Variants in DNAH6 observed in about 807,000 individuals in gnomAD.
DNAH6 encodes the protein dynein axonemal heavy chain 6.
In DNAH6, 340 loss-of-function variants were observed where a neutral mutation model predicts 491.4. The ratio of observed to expected loss-of-function variants is 0.69; its 90% CI spans 0.63 to 0.76. The LOEUF (loss-of-function observed/expected upper bound fraction) is 0.76, where lower values mean the gene tolerates loss of function less well. Among genes scored for constraint, DNAH6 ranks in the 30% least tolerant of loss-of-function variants. DNAH6 has a pLI of 0.00. For missense variants in DNAH6, 4,443 were observed against 4,972.2 expected (o/e 0.89, Z 3.20); for synonymous variants, 1,603 against 1,686.1 (o/e 0.95, Z 1.21).
chr2:84,657,663 C>G (rs1691105381), intron 35 of DNAH6, among the ~76,000 whole-genome samples: 1 of 151,918 alleles, frequency 6.6e-6, no homozygotes, highest in Non-Finnish European at 1.5e-5. Flanking sequence ...AACCTCATAT[C>G]CTGCAACTTT....
At chr2:84,686,589 G>C in intron 44 of DNAH6, 32 bp downstream of exon 44, 3 of 1,208,420 alleles carry the variant, frequency 2.5e-6, no homozygotes, top group Non-Finnish European at 3.5e-6. Flanking sequence ...GACCTCATTT[G>C]AAAATTGTAA....
intron 32 of DNAH6, among the ~76,000 whole-genome samples, chr2:84,641,189 G>A (rs1315313571): frequency 1.3e-5 from 2 of 152,080 alleles, no homozygotes; most frequent in African/African-American, 2.4e-5. Flanking sequence ...AGCCTCTAAG[G>A]AGACCTATTT....
intron 33 of DNAH6, among the ~76,000 whole-genome samples, chr2:84,645,584 T>C (rs1488346142): frequency 6.6e-6 from 1 of 152,202 alleles, no homozygotes; most frequent in Non-Finnish European, 1.5e-5. Flanking sequence ...TCATGCACTT[T>C]GCCCACTTTT....
At chr2:84,568,322 A>C (rs1681426449) in intron 11 of DNAH6, among the ~76,000 whole-genome samples, 1 of 152,206 alleles carries the variant, frequency 6.6e-6, no homozygotes, top group Admixed American at 6.6e-5. Context: ...AATCAATCCA[A>C]ATGCCCATAG....
intron 63 of DNAH6, among the ~76,000 whole-genome samples, chr2:84,747,184 T>C (rs1345124228): frequency 6.6e-6 from 1 of 152,146 alleles, no homozygotes; most frequent in East Asian, 1.9e-4. Context: ...TTCCCAACAG[T>C]CCTCAAAAGT....
At chr2:84,668,832 G>GTGTA (rs1692429346) in intron 37 of DNAH6, among the ~76,000 whole-genome samples, 1 of 52,920 alleles carries the variant, frequency 1.9e-5, no homozygotes, top group African/African-American at 6.0e-5. Flanking sequence ...GTGTGTGTGT[G>GTGTA]TGTGTGTGTG....
chr2:84,485,606 G>A, the DNAH6 span, among the ~76,000 whole-genome samples: 1 of 152,052 alleles, frequency 6.6e-6, no homozygotes, highest in South Asian at 2.1e-4. Flanking sequence ...TGTACTACGT[G>A]CTGCTGTAAA....
rs747787180 is a variant in DNAH6 at position 84,715,630 on chromosome 2, A to G, written c.9611+3A>G. 7 of 1,550,954 alleles carry G rather than the reference A, an allele frequency of 4.5e-6. No individual in the cohort carries two copies. The highest frequency in any genetic ancestry group is 2.4e-5 in the East Asian group (1 of 40,894). ...GGCCTGGAGGATCAGTTGTTAAGGT[A>G]AAAAAACAGGGAGTTGAGGGGAGGG... On this transcript the variant is annotated splice_donor_region_variant and intron_variant, in intron 58 of 76. Transcript: ENST00000389394.
At chr2:84,477,166 T>G in the DNAH6 span, among the ~76,000 whole-genome samples, 1 of 152,228 alleles carries the variant, frequency 6.6e-6, no homozygotes. Context: ...TGGGAGCCCA[T>G]GCTATTTATT....
chr2:84,659,161 G>C lies in DNAH6; in HGVS notation c.6076G>C (p.Asp2026His). 2 of 1,451,580 alleles carry C rather than the reference G, an allele frequency of 1.4e-6. No homozygotes were observed. Among genetic ancestry groups the C allele is most frequent in the Admixed American group, 2.3e-5 (1 of 43,610 alleles). The allele number at this position is 1,451,580 out of a possible 1,614,324, so 89.9% of individuals were successfully genotyped here. A position where few individuals can be genotyped will look rare whatever the true frequency, so the allele number is the denominator to read the frequency against. Residue 2026 changes from aspartate (D) to histidine (H), a missense_variant, in exon 37 of 77, where the codon GAT (aspartate) becomes CAT (histidine). Asp to His is a moderately conservative substitution (Grantham distance 81, BLOSUM62 -1). Coordinates refer to ENST00000389394, the MANE Select transcript of DNAH6 (RefSeq NM_001370.2). ...TAGAACACAATTTGATGATAATCCT[G>C]ATGCCAGGGTAAGAACCAAATAAAT... Reference protein sequence around the residue: ...FIRTQFDDNPDARLPNSGDLW... With the variant: ...FIRTQFDDNPHARLPNSGDLW...
At chr2:84,491,965 C>T in the DNAH6 span, among the ~76,000 whole-genome samples, 4 of 152,126 alleles carry the variant, frequency 2.6e-5, no homozygotes, top group African/African-American at 7.2e-5. Context: ...CCCGTTGCGC[C>T]GGTCAGATTC....
intron 64 of DNAH6, chr2:84,777,197 A>AAC: frequency 5.2e-6 from 1 of 191,314 alleles, no homozygotes; most frequent in Non-Finnish European, 1.1e-5. Flanking sequence ...ATACATATGT[A>AAC]ACAAACCTGC....
At chr2:84,756,502 T>G (rs1674038546) in intron 63 of DNAH6, among the ~76,000 whole-genome samples, 1 of 152,204 alleles carries the variant, frequency 6.6e-6, no homozygotes, top group Non-Finnish European at 1.5e-5. Context: ...CTAAGAAGTG[T>G]AAGGACAAGG....
rs1161689781 is a variant in DNAH6 at position 84,557,849 on chromosome 2, G to T, written c.1717G>T (p.Glu573Ter). Residue 573 changes from glutamate (E) to a stop codon, truncating the protein, a stop_gained, in exon 11 of 77, where the codon GAA (glutamate) becomes TAA (stop). Transcript: ENST00000389394. LOFTEE classifies it high-confidence loss of function. ...CAGCCCTTATATTAACAACAAACTTGAAGGAAAAACCTGTGGAACTGGGCC... is the reference window on the plus strand; with the variant it reads ...CAGCCCTTATATTAACAACAAACTTTAAGGAAAAACCTGTGGAACTGGGCC... ...FTSPYINNKLEGKTCGTGPSL... is the reference protein window; with the variant it reads ...FTSPYINNKL 6 of 1,613,040 alleles carry T rather than the reference G, an allele frequency of 3.7e-6. No individual in the cohort carries two copies. The highest frequency in any genetic ancestry group is 5.1e-6 in the Non-Finnish European group (6 of 1,179,468).
At chr2:84,619,984 T>C (rs1687246078) in intron 24 of DNAH6, 80 bp downstream of exon 24, 1 of 1,215,638 alleles carries the variant, frequency 8.2e-7, no homozygotes, top group African/African-American at 1.5e-5. Context: ...AGCATACAGG[T>C]ACTCTGTTGG....
intron 15 of DNAH6, chr2:84,584,844 A>G (rs1683377546): frequency 1.3e-5 from 2 of 152,212 alleles, no homozygotes; most frequent in Non-Finnish European, 1.5e-5. Context: ...CCTGAACTTA[A>G]AATAAAAGCT....
chr2:84,569,043 C>T (rs1292440548), intron 11 of DNAH6, among the ~76,000 whole-genome samples: 4 of 152,150 alleles, frequency 2.6e-5, no homozygotes, highest in African/African-American at 9.7e-5. Flanking sequence ...CCTAAAAATA[C>T]GTTTTCAACA....
the DNAH6 span, among the ~76,000 whole-genome samples, chr2:84,460,934 T>C: frequency 2.0e-5 from 3 of 152,284 alleles, no homozygotes; most frequent in Non-Finnish European, 2.9e-5. Flanking sequence ...GCATGACAAA[T>C]TAATGAAGAA....
chr2:84,512,616 T>C (rs568864197), upstream of DNAH6, among the ~76,000 whole-genome samples: 4 of 152,350 alleles, frequency 2.6e-5, no homozygotes, highest in East Asian at 7.7e-4. Context: ...TCAACTGCTG[T>C]TGTTGAATTG....
Sources: gnomAD v4.1 joint callset for allele counts (sites outside exome capture counted in the v4.1 genomes callset) on GRCh38, gnomAD v4.1.1 for gene constraint, MANE v1.5 for transcripts, NCBI Gene and HGNC (gene_info 2026-07-23, HGNC 2026-07-21) for gene names.